The following GTF2B variants were observed in gnomAD, a reference collection of about 807,000 sequenced individuals.
GTF2B encodes transcription initiation factor IIB.
Under a neutral mutation model 34.6 loss-of-function variants are expected in GTF2B, and 20 were observed. That is an observed-to-expected ratio of 0.58 (90% CI 0.41 to 0.84). The LOEUF (loss-of-function observed/expected upper bound fraction) is 0.84, where lower values mean the gene tolerates loss of function less well. Among genes scored for constraint, GTF2B ranks in the 40% least tolerant of loss-of-function variants. The pLI is 0.00. For synonymous variants in GTF2B, 142 were observed against 132.4 expected (o/e 1.07, Z -0.50); for missense variants, 237 against 393.3 (o/e 0.60, Z 3.36).
chr1:88,886,874 T>C (rs1242314288), intron 2 of GTF2B, among the ~76,000 whole-genome samples: 7 of 152,172 alleles, frequency 4.6e-5, no homozygotes, highest in African/African-American at 1.2e-4. Context: ...CATTAAATGA[T>C]AGTTTGGAAA....
chr1:88,885,790 T>A (rs1258578064), intron 2 of GTF2B, among the ~76,000 whole-genome samples: 1 of 152,182 alleles, frequency 6.6e-6, no homozygotes, highest in East Asian at 1.9e-4. Context: ...TACTGAAATT[T>A]GTATTTTCAC....
At chr1:88,859,609 G>A (rs189783090) in intron 5 of GTF2B, among the ~76,000 whole-genome samples, 27 of 152,274 alleles carry the variant, frequency 1.8e-4, no homozygotes, top group African/African-American at 5.5e-4. Flanking sequence ...GCCAAAGTGG[G>A]CAGATCACCT....
intron 2 of GTF2B, among the ~76,000 whole-genome samples, chr1:88,869,853 G>A (rs1256589597): frequency 6.6e-6 from 1 of 151,640 alleles, no homozygotes; most frequent in East Asian, 1.9e-4. Context: ...TCGAATTCCC[G>A]ACCTTGTGAT....
chr1:88,856,787 T>C (rs1673321892), intron 6 of GTF2B, among the ~76,000 whole-genome samples: 1 of 149,158 alleles, frequency 6.7e-6, no homozygotes, highest in Non-Finnish European at 1.5e-5. Flanking sequence ...CGTTGAGGAA[T>C]GATGTCTTAA....
intron 6 of GTF2B, 78 bp downstream of exon 6, chr1:88,857,128 G>C (rs1673331299): frequency 7.5e-7 from 1 of 1,340,102 alleles, no homozygotes. Context: ...TATTTACCCG[G>C]TTCAGACTTA....
intron 2 of GTF2B, among the ~76,000 whole-genome samples, chr1:88,876,431 G>A: frequency 6.6e-6 from 1 of 152,190 alleles, no homozygotes; most frequent in South Asian, 2.1e-4. Context: ...CTAGCACTGT[G>A]GAGTCTGGAG....
chr1:88,867,754 C>T (rs1330408294), intron 2 of GTF2B, among the ~76,000 whole-genome samples: 1 of 152,066 alleles, frequency 6.6e-6, no homozygotes, highest in East Asian at 1.9e-4. Context: ...GATTCATTTG[C>T]TGCCTGCTTT....
intron 1 of GTF2B, among the ~76,000 whole-genome samples, chr1:88,888,388 AAT>A (rs1228082685): frequency 6.6e-6 from 1 of 152,206 alleles, no homozygotes; most frequent in East Asian, 1.9e-4. Flanking sequence ...GCTTAACTAG[AAT>A]ATGTCTTGAA....
intron 2 of GTF2B, among the ~76,000 whole-genome samples, chr1:88,870,673 T>C (rs1023881206): frequency 2.6e-5 from 4 of 152,200 alleles, no homozygotes; most frequent in Non-Finnish European, 4.4e-5. Context: ...AAAAACATAT[T>C]CCATTTCCAA....
chr1:88,881,053 G>C (rs1444894206), intron 2 of GTF2B, among the ~76,000 whole-genome samples: 2 of 143,778 alleles, frequency 1.4e-5, no homozygotes, highest in Admixed American at 1.4e-4. Context: ...GGTACAATTG[G>C]TCAGACATGC....
At chr1:88,857,139 A>C in intron 6 of GTF2B, 67 bp downstream of exon 6, 1 of 1,433,960 alleles carries the variant, frequency 7.0e-7, no homozygotes, top group Non-Finnish European at 9.6e-7. Context: ...TTCAGACTTA[A>C]AATGGAAAAA....
At chr1:88,877,606 G>C (rs763926634) in intron 2 of GTF2B, among the ~76,000 whole-genome samples, 4 of 152,096 alleles carry the variant, frequency 2.6e-5, no homozygotes, top group Non-Finnish European at 5.9e-5. Flanking sequence ...TTGGAATTTG[G>C]GAAAAAACCC....
intron 2 of GTF2B, among the ~76,000 whole-genome samples, chr1:88,877,072 TTCC>T (rs1673833739): frequency 6.6e-6 from 1 of 152,238 alleles, no homozygotes; most frequent in Non-Finnish European, 1.5e-5. Flanking sequence ...CAGATTTGTG[TTCC>T]TCAATATGTT....
Position 88,864,030 on chromosome 1 carries a change from G to T in GTF2B, c.209C>A (p.Ser70Tyr). 1 of 1,613,574 alleles carries T rather than the reference G, an allele frequency of 6.2e-7. No individual in the cohort carries two copies. The highest frequency in any genetic ancestry group is 8.5e-7 in the Non-Finnish European group (1 of 1,179,478). The change falls in exon 3 of 7, where the codon TCT becomes TAT. Residue 70 changes from serine to tyrosine, a missense_variant. Physicochemically the swap from Ser to Tyr is moderately radical, Grantham distance 144 (BLOSUM62 -2). Around this residue, in one of 3 missense-constraint regions of GTF2B, gnomAD observed 130 missense variants for 170.9 expected, o/e 0.76. Coordinates refer to ENST00000370500, the MANE Select transcript of GTF2B (RefSeq NM_001514.6). ...TCCATCACTCAGAAGAGGATTCTGA[G>T]AATCTCCAACTCGAGATGGATCTTT... ...ATKDPSRVGDSQNPLLSDGDL... is the reference protein window; with the variant it reads ...ATKDPSRVGDYQNPLLSDGDL...
intron 1 of GTF2B, chr1:88,888,173 C>T (rs896431533): frequency 6.6e-6 from 1 of 152,078 alleles, no homozygotes; most frequent in African/African-American, 2.4e-5. Context: ...ATCTGAAATA[C>T]AATAAATGGT....
intron 2 of GTF2B, among the ~76,000 whole-genome samples, chr1:88,866,551 C>T (rs1673564636): frequency 6.6e-6 from 1 of 152,204 alleles, no homozygotes; most frequent in South Asian, 2.1e-4. Flanking sequence ...TACAGATATG[C>T]ACCACCACTG....
intron 2 of GTF2B, among the ~76,000 whole-genome samples, chr1:88,880,998 G>C (rs1163050340): frequency 1.6e-5 from 2 of 123,106 alleles, no homozygotes; most frequent in East Asian, 4.6e-4. Context: ...GACAGAGCGA[G>C]ATGCTGTCTC....
chr1:88,891,373 C>T, intron 1 of GTF2B, 110 bp downstream of exon 1: 2 of 753,728 alleles, frequency 2.7e-6, no homozygotes, highest in Non-Finnish European at 4.4e-6. Flanking sequence ...CGCCGCTTCT[C>T]TCCCATACCC....
At position 88,887,508 on chromosome 1, in the gene GTF2B, A is replaced by G. The variant is rs1051234438; in HGVS notation, c.18-141T>C. On this transcript the variant is annotated intron_variant, in intron 1 of 6. Transcript: ENST00000370500. ...GTAACACATATAAGCTAGATTTTCA[A>G]AGTAAACATCCCAGTTAGGTTATTT... 6 of 623,130 alleles carry G rather than the reference A, an allele frequency of 9.6e-6. No individual in the cohort carries two copies. In the African/African-American group the frequency reaches 1.1e-4, roughly 12 times the overall value. 38.6% of individuals were successfully genotyped at this position (623,130 alleles called of 1,614,324 possible).
Sources: gnomAD v4.1 joint callset for allele counts (sites outside exome capture counted in the v4.1 genomes callset) on GRCh38, gnomAD v4.1.1 for gene constraint, gnomAD v4.1.1 regional missense constraint, MANE v1.5 for transcripts, NCBI Gene and HGNC (gene_info 2026-07-23, HGNC 2026-07-21) for gene names.